Variants in PEAK1 observed in about 807,000 individuals in gnomAD.
PEAK1 encodes pseudopodium enriched atypical kinase 1, also known as inactive tyrosine-protein kinase PEAK1.
PEAK1 carries 54 observed loss-of-function variants against 124.7 expected under a neutral mutation model. The ratio of observed to expected loss-of-function variants is 0.43; its 90% CI spans 0.35 to 0.54. The LOEUF is 0.54. Among genes scored for constraint, PEAK1 ranks in the 20% least tolerant of loss-of-function variants. The pLI is 0.01. For synonymous variants in PEAK1, 719 were observed against 760.0 expected, an observed-to-expected ratio of 0.95 and a Z score of 0.89; for missense variants, 2,046 against 2,134.5, an observed-to-expected ratio of 0.96 and a Z score of 0.82.
chr15:77,157,487 T>C (rs1286831460), intron 8 of PEAK1: 2 of 152,100 alleles, frequency 1.3e-5, no homozygotes, highest in African/African-American at 2.4e-5. Flanking sequence ...GGAAGACGAG[T>C]GAAGATGATC....
At chr15:77,277,124 T>G (rs937456773) in intron 5 of PEAK1, among the ~76,000 whole-genome samples, 2 of 152,088 alleles carry the variant, frequency 1.3e-5, no homozygotes, top group Non-Finnish European at 2.9e-5. Context: ...ATCCATACCA[T>G]GGAAAACTAA....
chr15:77,168,580 T>C (rs1245165868), intron 7 of PEAK1, among the ~76,000 whole-genome samples: 3 of 152,210 alleles, frequency 2.0e-5, no homozygotes, highest in Admixed American at 6.5e-5. Flanking sequence ...ATCTGGCCCA[T>C]CGGCCATAGT....
At chr15:77,203,229 G>A (rs1170695858) in intron 6 of PEAK1, among the ~76,000 whole-genome samples, 1 of 151,914 alleles carries the variant, frequency 6.6e-6, no homozygotes, top group African/African-American at 2.4e-5. Context: ...GGACGTAAGA[G>A]AGGCAGGCAC....
chr15:77,366,833 AT>A lies in PEAK1; in HGVS notation c.-665-1609del, dbSNP rs1388217761. 2.0e-5 allele frequency among the ~76,000 whole-genome samples: 3 copies of A among 152,164 alleles called. 1 individual carries two copies. In the South Asian group the frequency reaches 6.2e-4, roughly 32 times the overall value. On this transcript the variant is annotated intron_variant, in intron 1 of 9. Coordinates refer to ENST00000682557, the MANE Select transcript of PEAK1 (RefSeq NM_001385026.1). ...TGCCTCAGCCTCCCAAAGTGCTGGG[AT>A]TACAGGCATGATCCATACGCCCAGC... is the stretch of plus-strand genomic sequence containing the variant.
chr15:77,189,132 G>C (rs1401903240), intron 6 of PEAK1, among the ~76,000 whole-genome samples: 1 of 151,830 alleles, frequency 6.6e-6, no homozygotes, highest in Admixed American at 6.6e-5. Flanking sequence ...ACCTGGGAGG[G>C]GGAGGTTGCA....
intron 6 of PEAK1, among the ~76,000 whole-genome samples, chr15:77,249,695 T>C (rs144813101): frequency 2.0e-3 from 311 of 152,262 alleles, no homozygotes; most frequent in African/African-American, 7.2e-3. Context: ...GAAGTTCTTA[T>C]CAAATCTGTT....
At position 77,408,080 on chromosome 15, in the gene PEAK1, T is replaced by G. The variant is rs62007279; in HGVS notation, c.-666+11926A>C. Among the ~76,000 whole-genome samples the G allele has an allele frequency of 4.9e-5, 7 of 141,484 alleles. No individual in the cohort carries two copies. The South Asian group carries it at 1.5e-3, about 31-fold the overall frequency. 92.8% of individuals were successfully genotyped at this position (141,484 alleles called of 152,430 possible). A position where few individuals can be genotyped will look rare whatever the true frequency, so the allele number is the denominator to read the frequency against. On this transcript the variant is annotated intron_variant, in intron 1 of 9. Coordinates refer to ENST00000682557, the MANE Select transcript of PEAK1 (RefSeq NM_001385026.1). Reference sequence around the variant, plus strand: ...GCATAGATACACATATATACATATATACACATATATACACACACATATATA... The same window carrying G: ...GCATAGATACACATATATACATATAGACACATATATACACACACATATATA...
intron 2 of PEAK1, among the ~76,000 whole-genome samples, chr15:77,345,233 G>GT (rs2066798469): frequency 6.6e-6 from 1 of 152,100 alleles, no homozygotes; most frequent in Non-Finnish European, 1.5e-5. Flanking sequence ...TTTGTTGAGT[G>GT]TTTTTTATCG....
At chr15:77,167,878 C>T (rs893693502) in intron 7 of PEAK1, among the ~76,000 whole-genome samples, 40 of 152,088 alleles carry the variant, frequency 2.6e-4, no homozygotes, top group Non-Finnish European at 4.9e-4. Flanking sequence ...CTAATGCTAT[C>T]CCTCCCCCAT....
At chr15:77,389,744 A>G (rs2070293327) in intron 1 of PEAK1, among the ~76,000 whole-genome samples, 1 of 152,204 alleles carries the variant, frequency 6.6e-6, no homozygotes, top group African/African-American at 2.4e-5. Context: ...AAAGGCTAGA[A>G]TACAAACACG....
intron 7 of PEAK1, 75 bp from the exon 8 acceptor site, chr15:77,158,771 A>ATGC: frequency 2.2e-6 from 3 of 1,381,082 alleles, no homozygotes; most frequent in Non-Finnish European, 3.0e-6. Context: ...GAAGGCATAT[A>ATGC]CTTCCCATAA....
At chr15:77,418,029 T>C in intron 1 of PEAK1, 3 of 980,044 alleles carry the variant, frequency 3.1e-6, no homozygotes, top group Non-Finnish European at 3.6e-6. Context: ...AATGTGATTG[T>C]CGGCAAACAG....
chr15:77,169,360 A>G (rs2056347080), intron 7 of PEAK1, among the ~76,000 whole-genome samples: 1 of 152,250 alleles, frequency 6.6e-6, no homozygotes, highest in South Asian at 2.1e-4. Context: ...ATTGAGGAAC[A>G]TAATTTGGAC....
chr15:77,280,981 G>T (rs1191314322), intron 5 of PEAK1, among the ~76,000 whole-genome samples: 17 of 152,068 alleles, frequency 1.1e-4, no homozygotes, highest in Admixed American at 1.1e-3. Context: ...CCAACATGGT[G>T]AAACCCCATC....
At chr15:77,314,232 C>T (rs2064724986) in intron 2 of PEAK1, among the ~76,000 whole-genome samples, 1 of 151,652 alleles carries the variant, frequency 6.6e-6, no homozygotes. Flanking sequence ...TTTGTTGAAC[C>T]CTGCCACATT....
chr15:77,190,837 G>T (rs1178374403), intron 6 of PEAK1, among the ~76,000 whole-genome samples: 2 of 152,110 alleles, frequency 1.3e-5, no homozygotes, highest in Non-Finnish European at 2.9e-5. Context: ...TAGGGTGGCT[G>T]GCAGCTCCTT....
At chr15:77,376,697 AACTCTG>A (rs2069056412) in intron 1 of PEAK1, among the ~76,000 whole-genome samples, 1 of 152,218 alleles carries the variant, frequency 6.6e-6, no homozygotes, top group African/African-American at 2.4e-5. Flanking sequence ...GATATACAGA[AACTCTG>A]ACACAATAAG....
intron 6 of PEAK1, among the ~76,000 whole-genome samples, chr15:77,247,480 C>CTTTTTTTTTTTTTTT (rs1567162937): frequency 1.3e-5 from 1 of 78,272 alleles, no homozygotes; most frequent in African/African-American, 4.8e-5. Context: ...TTTTTCTTTT[C>CTTTTTTTTTTTTTTT]TTTTCTTTTT....
intron 8 of PEAK1, chr15:77,158,126 CA>C (rs1338122491): frequency 5.9e-6 from 1 of 169,050 alleles, no homozygotes; most frequent in Non-Finnish European, 1.3e-5. Flanking sequence ...TAAATCAGTT[CA>C]GGAATTATCT....
Sources: gnomAD v4.1 joint callset for allele counts (sites outside exome capture counted in the v4.1 genomes callset) on GRCh38, gnomAD v4.1.1 for gene constraint, MANE v1.5 for transcripts, NCBI Gene and HGNC (gene_info 2026-07-23, HGNC 2026-07-21) for gene names.